Variants in MRPL48 observed in about 807,000 individuals in gnomAD.
MRPL48 encodes the protein mitochondrial ribosomal protein L48.
In MRPL48, 16 loss-of-function variants were observed where a neutral mutation model predicts 32.9. The ratio of observed to expected loss-of-function variants is 0.49; its 90% CI spans 0.33 to 0.74. MRPL48 has a LOEUF of 0.74. MRPL48 is among the 30% of genes least tolerant of loss of function. The pLI is 0.02. For synonymous variants in MRPL48, 94 were observed against 89.2 expected, an observed-to-expected ratio of 1.05 and a Z score of -0.31; for missense variants, 206 against 245.3, an observed-to-expected ratio of 0.84 and a Z score of 1.07.
At chr11:73,817,763 AT>A in intron 3 of MRPL48, 1 of 341,788 alleles carries the variant, frequency 2.9e-6, no homozygotes, top group South Asian at 2.4e-5. Context: ...TTTTGTTGGT[AT>A]TTTTTATAGG....
chr11:73,825,284 A>ATATGTGTG (rs146232365), intron 3 of MRPL48, among the ~76,000 whole-genome samples: 3,966 of 139,826 alleles, frequency 0.028, 55 homozygotes, highest in Middle Eastern at 0.05. Flanking sequence ...TTTTTTATAT[A>ATATGTGTG]TGTGTGTGTG....
intron 4 of MRPL48, among the ~76,000 whole-genome samples, chr11:73,827,122 C>T (rs1453119383): frequency 2.6e-5 from 4 of 151,932 alleles, no homozygotes; most frequent in African/African-American, 9.7e-5. Context: ...TGGTGGCTTA[C>T]ACCTGTAATC....
intron 1 of MRPL48, among the ~76,000 whole-genome samples, chr11:73,788,870 C>T (rs1023837790): frequency 2.0e-5 from 3 of 152,208 alleles, no homozygotes; most frequent in Non-Finnish European, 4.4e-5. Flanking sequence ...CTCCCGTTCC[C>T]TTAACAGATT....
chr11:73,831,709 G>A (rs1027875564), intron 4 of MRPL48, among the ~76,000 whole-genome samples: 1 of 151,824 alleles, frequency 6.6e-6, no homozygotes, highest in African/African-American at 2.4e-5. Context: ...GGGAGGCCGA[G>A]GGGGGAGGAT....
Position 73,790,970 on chromosome 11 carries a change from C to T in MRPL48, c.21+2978C>T, listed in dbSNP as rs1245639473. Reference sequence around the variant, plus strand: ...GCACAATCTTGGTTCACTGCAGCCCCGATATCCCGGGCTCAGGTGATTCTC... The same window carrying T: ...GCACAATCTTGGTTCACTGCAGCCCTGATATCCCGGGCTCAGGTGATTCTC... On this transcript the variant is annotated intron_variant, in intron 1 of 7. Transcript: ENST00000310614. Among the ~76,000 whole-genome samples the T allele has an allele frequency of 5.3e-5, 8 of 151,104 alleles. No individual in the cohort carries two copies. In the East Asian group the frequency reaches 1.4e-3, roughly 26 times the overall value.
At chr11:73,863,772 G>T (rs1948623689) in intron 7 of MRPL48, among the ~76,000 whole-genome samples, 5 of 152,134 alleles carry the variant, frequency 3.3e-5, no homozygotes, top group Admixed American at 2.6e-4. Flanking sequence ...GGGTCCAGTT[G>T]CCAAGATGAT....
At chr11:73,834,100 TG>T (rs1349928331) in intron 4 of MRPL48, among the ~76,000 whole-genome samples, 1 of 152,096 alleles carries the variant, frequency 6.6e-6, no homozygotes. Context: ...ATGCCTGCCT[TG>T]GGCTCCTAAA....
intron 1 of MRPL48, among the ~76,000 whole-genome samples, chr11:73,791,569 A>C (rs1194219594): frequency 1.3e-5 from 2 of 152,030 alleles, no homozygotes; most frequent in African/African-American, 4.8e-5. Context: ...GGCACATGCC[A>C]CCGTGCCTGG....
chr11:73,861,154 T>A (rs1350725997), intron 6 of MRPL48, among the ~76,000 whole-genome samples: 1 of 152,190 alleles, frequency 6.6e-6, no homozygotes, highest in Non-Finnish European at 1.5e-5. Context: ...TATGCTAATT[T>A]AAAAAATAAC....
chr11:73,835,860 T>C (rs900521211), intron 4 of MRPL48, among the ~76,000 whole-genome samples: 1 of 152,154 alleles, frequency 6.6e-6, no homozygotes, highest in East Asian at 1.9e-4. Flanking sequence ...ATCATGCCAC[T>C]ACACCCTAGC....
intron 6 of MRPL48, among the ~76,000 whole-genome samples, chr11:73,861,789 C>G (rs1216128384): frequency 6.6e-6 from 1 of 152,182 alleles, no homozygotes; most frequent in Non-Finnish European, 1.5e-5. Context: ...TCTTGTTTTT[C>G]TTCAATATTT....
chr11:73,802,130 A>G (rs1947372327), intron 1 of MRPL48: 1 of 152,226 alleles, frequency 6.6e-6, no homozygotes, highest in Non-Finnish European at 1.5e-5. Flanking sequence ...GTAACTCTGC[A>G]AAAGCTAAGG....
At chr11:73,808,854 C>T (rs1459497638) in intron 3 of MRPL48, among the ~76,000 whole-genome samples, 4 of 151,240 alleles carry the variant, frequency 2.6e-5, no homozygotes, top group South Asian at 2.1e-4. Context: ...GCTCGGGAGG[C>T]GGAGGTTGCA....
At chr11:73,839,927 A>G (rs999697648) in intron 4 of MRPL48, among the ~76,000 whole-genome samples, 1 of 151,428 alleles carries the variant, frequency 6.6e-6, no homozygotes, top group African/African-American at 2.4e-5. Flanking sequence ...GTGAGACTCC[A>G]TCTCTATGAA....
intron 3 of MRPL48, among the ~76,000 whole-genome samples, chr11:73,814,470 G>A (rs1306445028): frequency 2.0e-5 from 3 of 152,040 alleles, no homozygotes; most frequent in African/African-American, 7.2e-5. Flanking sequence ...TGAGGCCAGT[G>A]GATCACCTGA....
intron 1 of MRPL48, among the ~76,000 whole-genome samples, chr11:73,804,639 G>A (rs567458133): frequency 6.6e-6 from 1 of 152,260 alleles, no homozygotes; most frequent in African/African-American, 2.4e-5. Context: ...GGTCTCAGTT[G>A]CTTTACTTAC....
At chr11:73,820,374 AC>A (rs2134998644) in intron 3 of MRPL48, among the ~76,000 whole-genome samples, 1 of 152,230 alleles carries the variant, frequency 6.6e-6, no homozygotes, top group South Asian at 2.1e-4. Flanking sequence ...ACAGGCATGT[AC>A]CATCACACCC....
chr11:73,791,501 C>T (rs1285985751), intron 1 of MRPL48, among the ~76,000 whole-genome samples: 2 of 151,652 alleles, frequency 1.3e-5, no homozygotes, highest in African/African-American at 4.8e-5. Flanking sequence ...ACTGCAACCT[C>T]CGCCTCCTGG....
chr11:73,826,808 C>G (rs1184937986), intron 4 of MRPL48, among the ~76,000 whole-genome samples: 5 of 135,502 alleles, frequency 3.7e-5, no homozygotes, highest in Admixed American at 1.5e-4. Flanking sequence ...TGGAGTTTCA[C>G]TCTTATTGCT....
Sources: allele counts gnomAD v4.1 joint callset (sites outside exome capture counted in the v4.1 genomes callset), GRCh38; gene constraint gnomAD v4.1.1; transcripts MANE v1.5; gene names NCBI Gene and HGNC (gene_info 2026-07-23, HGNC 2026-07-21).